The following SLC9A3 variants were observed in gnomAD, a reference collection of about 807,000 sequenced individuals.
SLC9A3 encodes the protein sodium/hydrogen exchanger 3.
Under a neutral mutation model 86.8 loss-of-function variants are expected in SLC9A3, and 37 were observed. That is an observed-to-expected ratio of 0.43 (90% confidence interval 0.33 to 0.56). SLC9A3 has a LOEUF of 0.56. Ranked by LOEUF, SLC9A3 falls within the 20% of genes least tolerant of loss-of-function variation. The probability of loss-of-function intolerance (pLI) is 0.06; values close to 1 mark genes in which losing one functional copy is unlikely to be tolerated. For synonymous variants in SLC9A3, 581 were observed against 528.3 expected (o/e 1.10, Z -1.37); for missense variants, 1,011 against 1,171.9 (o/e 0.86, Z 2.00).
Position 496,946 on chromosome 5 carries a change from T to G in SLC9A3, c.212-4875A>C, listed in dbSNP as rs558079247. 2.0e-4 allele frequency among the ~76,000 whole-genome samples: 31 copies of G among 152,186 alleles called. No individual in the cohort carries two copies. Among genetic ancestry groups the G allele is most frequent in the Admixed American group, 9.2e-4 (14 of 15,268 alleles). ...GGCACACAACTGTAGTCCCAGCTAC[T>G]CAGGAGGCCGAGGTGGGAGGATCAC... On this transcript the variant is annotated intron_variant, in intron 1 of 16. Transcript: ENST00000264938. The surrounding 1 kb of genome is among the most constrained non-coding windows in gnomAD (Gnocchi z 4.7).
intron 11 of SLC9A3, chr5:477,070 C>G (rs989112900): frequency 2.0e-6 from 1 of 506,738 alleles, no homozygotes; most frequent in African/African-American, 1.9e-5. Context: ...GGACAGGCTG[C>G]TGCGGGCCAG....
In SLC9A3 at chr5:484,521, C is replaced by A. The variant is rs201704801; in HGVS notation, c.931G>T (p.Ala311Ser). 1 of 1,612,960 alleles carries A rather than the reference C, an allele frequency of 6.2e-7. No individual in the cohort carries two copies. The highest frequency in any genetic ancestry group is 2.2e-5 in the East Asian group (1 of 44,868). The change falls in exon 5 of 17, where the codon GCC becomes TCC. Residue 311 changes from alanine (A) to serine (S), a missense_variant and splice_region_variant. By Grantham distance (99) the Ala-to-Ser change is moderately conservative (BLOSUM62 1). This residue lies in a region of SLC9A3 where 565 missense variants were observed against 790.0 expected (regional missense o/e 0.72). Coordinates refer to ENST00000264938, the MANE Select transcript of SLC9A3 (RefSeq NM_004174.4). ...CTCGCGTGTGTGGGAGGGACTCACG[C>A]GAGGATGGCCGACAGCGACAGCATC... is the stretch of plus-strand genomic sequence containing the variant. ...SEMLSLSAIL[A>S]ITFCGICCQK...
At chr5:498,654 G>A (rs776045229) in intron 1 of SLC9A3, among the ~76,000 whole-genome samples, 7 of 152,064 alleles carry the variant, frequency 4.6e-5, no homozygotes, top group Non-Finnish European at 4.4e-5. Context: ...CGCCCACCTC[G>A]GTCGTCCACA....
In SLC9A3 at chr5:481,482, A is replaced by C; in HGVS notation, c.1517+83T>G. On this transcript the variant is annotated intron_variant, in intron 9 of 16. Transcript: ENST00000264938. Reference sequence around the variant, plus strand: ...GCCTGGACTCAAACAGTTGTTATGCATGTGGCTTCTGGTTCTTCCGAGTGG... The same window carrying C: ...GCCTGGACTCAAACAGTTGTTATGCCTGTGGCTTCTGGTTCTTCCGAGTGG... The C allele has an allele frequency of 7.7e-6, 9 of 1,171,184 alleles. No individual in the cohort carries two copies. In the Middle Eastern group the frequency reaches 1.1e-3, roughly 150 times the overall value. The allele number at this position is 1,171,184 out of a possible 1,614,324, so 72.5% of individuals were successfully genotyped here. A position where few individuals can be genotyped will look rare whatever the true frequency, so the allele number is the denominator to read the frequency against.
rs368644021 is a variant in SLC9A3, at chr5:488,268, A to G, written c.675+48T>C. 5.9e-5 allele frequency: 95 copies of G among 1,599,840 alleles called. 1 individual carries two copies. The African/African-American group carries it at 1.2e-3, about 20-fold the overall frequency. ...ACCGATGGGGGGTGAGACGGGGCCC[A>G]GGCCTCCCACGGCTCGCCCGCTCTG... On this transcript the variant is annotated intron_variant, in intron 3 of 16. Coordinates refer to ENST00000264938, the MANE Select transcript of SLC9A3 (RefSeq NM_004174.4).
rs541507703 is a variant in SLC9A3 at position 497,060 on chromosome 5, A to G, written c.212-4989T>C. 6.6e-6 allele frequency among the ~76,000 whole-genome samples: 1 copy of G among 150,868 alleles called. No homozygotes were observed. Among genetic ancestry groups the G allele is most frequent in the Non-Finnish European group, 1.5e-5 (1 of 67,616 alleles). ...ACGGAGGCCTTGTCTCAAAAAAAAA[A>G]TTTTTTTTTTACTTGAATTTAACAG... is the stretch of plus-strand genomic sequence containing the variant. On this transcript the variant is annotated intron_variant, in intron 1 of 16. Transcript: ENST00000264938. The surrounding 1 kb of genome is among the most constrained non-coding windows in gnomAD (Gnocchi z 5.4).
chr5:513,134 T>C (rs1733611842), intron 1 of SLC9A3, among the ~76,000 whole-genome samples: 1 of 152,072 alleles, frequency 6.6e-6, no homozygotes, highest in Non-Finnish European at 1.5e-5. Context: ...TACTGTGAGC[T>C]GCGTGGTGTG....
rs531443061 is a variant in SLC9A3 at position 495,103 on chromosome 5, G to A, written c.212-3032C>T. On this transcript the variant is annotated intron_variant, in intron 1 of 16. Transcript: ENST00000264938. ...ACCGCGTGTCCCCAGGTGGGGGGGC[G>A]CCGTGGCCGCAGGTCAGACCTGGGA... 1.1e-3 allele frequency among the ~76,000 whole-genome samples: 138 copies of A among 130,780 alleles called. 11 individuals are homozygous for A. In the East Asian group the frequency reaches 0.014, roughly 13 times the overall value. The allele number at this position is 130,780 out of a possible 152,430, so 85.8% of individuals were successfully genotyped here. A position where few individuals can be genotyped will look rare whatever the true frequency, so the allele number is the denominator to read the frequency against.
intron 1 of SLC9A3, among the ~76,000 whole-genome samples, chr5:517,478 TCATC>T (rs954094312): frequency 6.9e-6 from 1 of 144,872 alleles, no homozygotes; most frequent in Non-Finnish European, 1.5e-5. Flanking sequence ...ATCCATCCAC[TCATC>T]CATCCATCAG....
At chr5:479,709 G>T in intron 10 of SLC9A3, 127 bp downstream of exon 10, 1 of 928,160 alleles carries the variant, frequency 1.1e-6, no homozygotes, top group Non-Finnish European at 1.7e-6. Flanking sequence ...AGCCTCCCGT[G>T]AACTGCTGGG....
chr5:509,122 T>A lies in SLC9A3; in HGVS notation c.211+14990A>T, dbSNP rs571390917. Among the ~76,000 whole-genome samples, 407 of 145,422 alleles carry A rather than the reference T, an allele frequency of 2.8e-3. 2 individuals are homozygous for A. The highest frequency in any genetic ancestry group is 1.0e-2 in the African/African-American group (387 of 38,894). ...GATCCTGTCTCAAAAAAAAAAAAAA[T>A]TATCTCAGAAGATAGAGAAAAAAAG... On this transcript the variant is annotated intron_variant, in intron 1 of 16. Coordinates refer to ENST00000264938, the MANE Select transcript of SLC9A3 (RefSeq NM_004174.4).
chr5:477,361 G>A lies in SLC9A3; in HGVS notation c.1731C>T (p.Ser577=), dbSNP rs1738815490. Residue 577 remains serine, a synonymous_variant, in exon 11 of 17, where the codon TCC becomes TCT. Coordinates refer to ENST00000264938, the MANE Select transcript of SLC9A3 (RefSeq NM_004174.4). The part of the protein sequence containing the change: ...VVNVDFTPRS[S]TVEASVSYLL... ...GGTAGGAGACAGAGGCCTCCACGGT[G>A]GACGATCGTGGCGTGAAGTCCACGT... The A allele has an allele frequency of 1.2e-6, 2 of 1,612,220 alleles. No individual in the cohort carries two copies. The highest frequency in any genetic ancestry group is 4.5e-5 in the East Asian group (2 of 44,820).
intron 9 of SLC9A3, 21 bp from the exon 10 acceptor site, chr5:479,986 T>G (rs754303649): frequency 6.2e-7 from 1 of 1,607,504 alleles, no homozygotes; most frequent in Non-Finnish European, 8.5e-7. Flanking sequence ...AGACCTTGGG[T>G]GTGAGCCTCA....
chr5:477,384 C>T lies in SLC9A3; in HGVS notation c.1708G>A (p.Val570Met), dbSNP rs1302508988. The change falls in exon 11 of 17, where the codon GTG becomes ATG. Residue 570 changes from valine (V) to methionine (M), a missense_variant. Val to Met is a conservative substitution (Grantham distance 21, BLOSUM62 1). Coordinates refer to ENST00000264938, the MANE Select transcript of SLC9A3 (RefSeq NM_004174.4). ...RSPSTDNVVNVDFTPRSSTVE... is the reference protein window; with the variant it reads ...RSPSTDNVVNMDFTPRSSTVE... The stretch of plus-strand genomic sequence containing the variant: ...GTGGACGATCGTGGCGTGAAGTCCA[C>T]GTTGACCACGTTGTCGGTGCTGGGG... The T allele has an allele frequency of 1.2e-6, 2 of 1,613,152 alleles. No homozygotes were observed. Among genetic ancestry groups the T allele is most frequent in the Non-Finnish European group, 1.7e-6 (2 of 1,179,780 alleles).
At position 483,485 on chromosome 5, in the gene SLC9A3, G is replaced by C; in HGVS notation, c.933-3C>G. On this transcript the variant is annotated splice_polypyrimidine_tract_variant and splice_region_variant and intron_variant, in intron 5 of 16. Coordinates refer to ENST00000264938, the MANE Select transcript of SLC9A3 (RefSeq NM_004174.4). ...AGCAGATGCCACAGAAGGTGATGCT[G>C]CAGGGACAGACGCGCCTCAGGACAC... The C allele has an allele frequency of 6.4e-7, 1 of 1,566,038 alleles. No individual in the cohort carries two copies. The highest frequency in any genetic ancestry group is 8.7e-7 in the Non-Finnish European group (1 of 1,154,984).
At chr5:512,584 G>A (rs768293572) in intron 1 of SLC9A3, among the ~76,000 whole-genome samples, 1 of 152,202 alleles carries the variant, frequency 6.6e-6, no homozygotes, top group Non-Finnish European at 1.5e-5. Context: ...TAGGGGGAGT[G>A]GGGGGTGGAA....
At chr5:513,654 T>A (rs1733637789) in intron 1 of SLC9A3, among the ~76,000 whole-genome samples, 1 of 152,160 alleles carries the variant, frequency 6.6e-6, no homozygotes, top group Non-Finnish European at 1.5e-5. Context: ...AGCACACACA[T>A]GCCACCTCCA....
intron 1 of SLC9A3, among the ~76,000 whole-genome samples, chr5:507,978 CGAATCTCCACCCCACAGACGCCT>C (rs1740692212): frequency 6.6e-6 from 1 of 151,376 alleles, no homozygotes; most frequent in Non-Finnish European, 1.5e-5. Context: ...CACAGACGCC[CGAATCTCCACCCCACAGACGCCT>C]GAATCTCCCC....
At chr5:517,095 T>TCATCCATC (rs573189531) in intron 1 of SLC9A3, among the ~76,000 whole-genome samples, 2 of 151,790 alleles carry the variant, frequency 1.3e-5, no homozygotes, top group Non-Finnish European at 2.9e-5. Flanking sequence ...ATCCATCCAC[T>TCATCCATC]CATCCATCCA....
Sources: gnomAD v4.1 joint callset for allele counts (sites outside exome capture counted in the v4.1 genomes callset) on GRCh38, gnomAD v4.1.1 for gene constraint, gnomAD v4.1.1 regional missense constraint, Gnocchi (gnomAD v3.1) non-coding constraint, MANE v1.5 for transcripts, NCBI Gene and HGNC (gene_info 2026-07-23, HGNC 2026-07-21) for gene names.